The following GGNBP2 variants were observed in gnomAD, a reference collection of about 807,000 sequenced individuals.
The protein encoded by GGNBP2 is gametogenetin-binding protein 2.
Under a neutral mutation model 85.9 loss-of-function variants are expected in GGNBP2, and 10 were observed. The observed-to-expected ratio is 0.12, with a 90% CI of 0.07 to 0.20. The LOEUF (loss-of-function observed/expected upper bound fraction) is 0.20. Ranked by LOEUF, GGNBP2 falls within the 10% of genes least tolerant of loss-of-function variation. The probability of loss-of-function intolerance (pLI) is 1.00; values close to 1 mark genes in which losing one functional copy is unlikely to be tolerated. For synonymous variants in GGNBP2, 287 were observed against 285.7 expected, an observed-to-expected ratio of 1.00 and a Z score of -0.05; for missense variants, 595 against 857.8, an observed-to-expected ratio of 0.69 and a Z score of 3.83.
chr17:36,553,033 A>AAG (rs1356950160), intron 2 of GGNBP2, among the ~76,000 whole-genome samples: 1 of 151,866 alleles, frequency 6.6e-6, no homozygotes, highest in African/African-American at 2.4e-5. Flanking sequence ...AAAAAAAAAA[A>AAG]AAAAAAAAGC....
At chr17:36,563,014 C>G (rs1448562197) in intron 5 of GGNBP2, among the ~76,000 whole-genome samples, 1 of 148,552 alleles carries the variant, frequency 6.7e-6, no homozygotes, top group African/African-American at 2.5e-5. Context: ...GCCTGTAATC[C>G]CAGCACTTTG....
At chr17:36,577,235 T>C (rs978448101) in intron 6 of GGNBP2, 6 of 152,218 alleles carry the variant, frequency 3.9e-5, no homozygotes, top group African/African-American at 1.2e-4. Context: ...TATTTCTTTC[T>C]GATTGATTGA....
At chr17:36,572,075 C>G (rs1051262989) in intron 6 of GGNBP2, among the ~76,000 whole-genome samples, 2 of 151,762 alleles carry the variant, frequency 1.3e-5, no homozygotes, top group Admixed American at 6.6e-5. Context: ...TTAAAAAAGT[C>G]ATATGCAATG....
intron 6 of GGNBP2, chr17:36,577,693 T>A (rs1330294185): frequency 2.3e-6 from 1 of 431,258 alleles, no homozygotes; most frequent in Non-Finnish European, 4.3e-6. Flanking sequence ...TCTTGGCAAC[T>A]AATACTTTTC....
intron 6 of GGNBP2, 91 bp from the exon 7 acceptor site, chr17:36,577,892 G>A: frequency 1.1e-6 from 1 of 942,820 alleles, no homozygotes; most frequent in Non-Finnish European, 1.7e-6. Context: ...GCTGTAGATG[G>A]GAGAGAGTGC....
At chr17:36,563,191 A>G (rs1172372618) in intron 5 of GGNBP2, among the ~76,000 whole-genome samples, 6 of 152,030 alleles carry the variant, frequency 3.9e-5, no homozygotes. Flanking sequence ...GCTTGAATCC[A>G]GGAGGCAGAG....
At chr17:36,586,330 A>G (rs1239395826) in intron 12 of GGNBP2, 132 bp downstream of exon 12, 8 of 1,126,086 alleles carry the variant, frequency 7.1e-6, no homozygotes, top group East Asian at 5.2e-5. Context: ...ATGCAGTTCC[A>G]TTGGGTGCTC....
chr17:36,546,236 T>G, intron 2 of GGNBP2: 1 of 339,202 alleles, frequency 2.9e-6, no homozygotes, highest in Non-Finnish European at 5.3e-6. Flanking sequence ...TATTTTCTGT[T>G]TTAATACTGG....
At chr17:36,586,825 G>A (rs898780732) in intron 12 of GGNBP2, 172 bp from the exon 13 acceptor site, 30 of 595,640 alleles carry the variant, frequency 5.0e-5, no homozygotes, top group Non-Finnish European at 7.7e-5. Context: ...GACCATGTTG[G>A]CCAGGCTGGT....
At chr17:36,575,613 C>CATATATATATATATATATATAT (rs776677029) in intron 6 of GGNBP2, among the ~76,000 whole-genome samples, 1 of 66,940 alleles carries the variant, frequency 1.5e-5, no homozygotes. Flanking sequence ...TCTAATGTAA[C>CATATATATATATATATATATAT]ATATATATAT....
rs2074609391 is a variant in GGNBP2 at position 36,578,074 on chromosome 17, G to A, written c.733G>A (p.Ala245Thr). 6.2e-7 allele frequency: 1 copy of A among 1,614,152 alleles called. No individual in the cohort carries two copies. The highest frequency in any genetic ancestry group is 1.3e-5 in the African/African-American group (1 of 75,040). Reference sequence around the variant, plus strand: ...CAGCAAAGAAAAGGGCTACTGTGCTGCACTTTATGAAGGCTTGCGGTGCTG... The same window carrying A: ...CAGCAAAGAAAAGGGCTACTGTGCTACACTTTATGAAGGCTTGCGGTGCTG... ...DCSKEKGYCA[A>T]LYEGLRCCPH... The change falls in exon 7 of 14, where the codon GCA (alanine) becomes ACA (threonine). Residue 245 changes from alanine (A) to threonine (T), a missense_variant. This residue lies in a region of GGNBP2 where 92 missense variants were observed against 183.9 expected (regional missense o/e 0.50). Coordinates refer to ENST00000613102, the MANE Select transcript of GGNBP2 (RefSeq NM_024835.5).
intron 8 of GGNBP2, among the ~76,000 whole-genome samples, chr17:36,580,230 C>T (rs1198426566): frequency 2.8e-5 from 4 of 142,682 alleles, no homozygotes; most frequent in African/African-American, 7.6e-5. Context: ...TTTTTTGAGA[C>T]GGAGCCTCGC....
chr17:36,549,227 C>T (rs529321317), intron 2 of GGNBP2, among the ~76,000 whole-genome samples: 1 of 150,710 alleles, frequency 6.6e-6, no homozygotes, highest in African/African-American at 2.4e-5. Context: ...TTTTGAGACA[C>T]AGTCTCGCTC....
At chr17:36,573,468 CAATA>C (rs1253500551) in intron 6 of GGNBP2, among the ~76,000 whole-genome samples, 1 of 152,184 alleles carries the variant, frequency 6.6e-6, no homozygotes, top group Non-Finnish European at 1.5e-5. Context: ...CGCCTGTTGT[CAATA>C]AATGCTGCAG....
chr17:36,576,588 T>C (rs865849513), intron 6 of GGNBP2: 1 of 40,740 alleles, frequency 2.5e-5, no homozygotes, highest in Non-Finnish European at 4.3e-5. Context: ...AAAAAAAATA[T>C]ATATATATGT....
At chr17:36,553,185 A>T (rs118088019) in intron 2 of GGNBP2, among the ~76,000 whole-genome samples, 3 of 152,308 alleles carry the variant, frequency 2.0e-5, no homozygotes, top group Non-Finnish European at 4.4e-5. Context: ...ATACAGAAAA[A>T]GTTGTCTTAC....
At chr17:36,582,445 A>C (rs547521269) in intron 9 of GGNBP2, 1 of 152,204 alleles carries the variant, frequency 6.6e-6, no homozygotes, top group Non-Finnish European at 1.5e-5. Flanking sequence ...TAAGGACAAG[A>C]AAAAAGTCTG....
intron 2 of GGNBP2, among the ~76,000 whole-genome samples, chr17:36,554,430 C>T (rs1051561656): frequency 4.3e-5 from 5 of 115,978 alleles, no homozygotes; most frequent in Admixed American, 3.8e-4. Context: ...TGCAGTGGTG[C>T]GATTTCAGCT....
intron 2 of GGNBP2, among the ~76,000 whole-genome samples, chr17:36,552,459 G>C (rs1017634715): frequency 1.3e-5 from 2 of 152,130 alleles, no homozygotes; most frequent in African/African-American, 4.8e-5. Flanking sequence ...CCAGATTATT[G>C]ATAGCTACAG....
Sources: gnomAD v4.1 joint callset for allele counts (sites outside exome capture counted in the v4.1 genomes callset) on GRCh38, gnomAD v4.1.1 for gene constraint, gnomAD v4.1.1 regional missense constraint, MANE v1.5 for transcripts, NCBI Gene and HGNC (gene_info 2026-07-23, HGNC 2026-07-21) for gene names.